Variants in PTPRN2 observed in about 807,000 individuals in gnomAD.
The protein encoded by PTPRN2 is receptor-type tyrosine-protein phosphatase N2.
A neutral mutation model predicts 118.8 loss-of-function variants in PTPRN2; 74 were observed. The ratio of observed to expected loss-of-function variants is 0.62; its 90% CI spans 0.52 to 0.76. PTPRN2 has a LOEUF of 0.76. Among genes scored for constraint, PTPRN2 ranks in the 30% least tolerant of loss-of-function variants. PTPRN2 has a pLI of 0.00. For missense variants in PTPRN2, 1,481 were observed against 1,394.4 expected (o/e 1.06, Z -0.99); for synonymous variants, 641 against 608.0 (o/e 1.05, Z -0.80).
intron 13 of PTPRN2, among the ~76,000 whole-genome samples, chr7:157,664,787 G>A (rs1442009758): frequency 6.6e-6 from 1 of 152,194 alleles, no homozygotes; most frequent in Admixed American, 6.5e-5. Context: ...ACAGAGCTAT[G>A]ATCTCGAGAG....
intron 14 of PTPRN2, among the ~76,000 whole-genome samples, chr7:157,648,488 TCGG>T (rs1296388415): frequency 8.8e-5 from 12 of 136,026 alleles, no homozygotes; most frequent in South Asian, 5.4e-4. Flanking sequence ...TGCACTGAAC[TCGG>T]TGGGTCGGAC....
intron 12 of PTPRN2, among the ~76,000 whole-genome samples, chr7:157,692,547 T>C (rs1797559070): frequency 6.6e-6 from 1 of 152,176 alleles, no homozygotes; most frequent in African/African-American, 2.4e-5. Context: ...CCGTTTCCTC[T>C]GACTGCAGGC....
intron 12 of PTPRN2, among the ~76,000 whole-genome samples, chr7:157,856,974 T>A (rs1809752257): frequency 6.6e-6 from 1 of 152,120 alleles, no homozygotes; most frequent in South Asian, 2.1e-4. Flanking sequence ...TTTAGCAGCA[T>A]CTTCTATTTA....
intron 14 of PTPRN2, among the ~76,000 whole-genome samples, chr7:157,625,981 G>T (rs1219142107): frequency 6.6e-6 from 1 of 152,188 alleles, no homozygotes; most frequent in Non-Finnish European, 1.5e-5. Context: ...CTTCATTTCA[G>T]CTTTGGACAT....
intron 11 of PTPRN2, among the ~76,000 whole-genome samples, chr7:157,991,348 C>T (rs759092553): frequency 5.3e-5 from 8 of 152,246 alleles, no homozygotes; most frequent in African/African-American, 9.6e-5. Flanking sequence ...TTTCCTTTTC[C>T]TAACCAGGAA....
chr7:158,071,744 G>GCTCGTGGTGGTGGAGGTT (rs1811821725), intron 11 of PTPRN2, among the ~76,000 whole-genome samples: 1 of 121,056 alleles, frequency 8.3e-6, no homozygotes. Context: ...TGGTGGAGGT[G>GCTCGTGGTGGTGGAGGTT]CTCATGGTGG....
chr7:158,177,027 C>T (rs1033502801), intron 5 of PTPRN2, among the ~76,000 whole-genome samples: 10 of 152,178 alleles, frequency 6.6e-5, no homozygotes, highest in Non-Finnish European at 1.3e-4. Flanking sequence ...TGGGTGGTGA[C>T]AGTTTGGGGC....
chr7:158,550,677 T>C (rs1347520297), intron 1 of PTPRN2, among the ~76,000 whole-genome samples: 3 of 152,272 alleles, frequency 2.0e-5, no homozygotes, highest in African/African-American at 7.2e-5. Flanking sequence ...TTCATTTTAC[T>C]TCCCCTTTAC....
intron 10 of PTPRN2, among the ~76,000 whole-genome samples, chr7:158,087,096 G>T (rs143250382): frequency 1.3e-5 from 2 of 152,198 alleles, no homozygotes; most frequent in African/African-American, 2.4e-5. Flanking sequence ...ATGCGACAGG[G>T]TTCCCTCTGA....
chr7:157,840,421 T>TGTGACCGC (rs1808331405), intron 12 of PTPRN2, among the ~76,000 whole-genome samples: 1 of 127,706 alleles, frequency 7.8e-6, no homozygotes, highest in Admixed American at 8.0e-5. Context: ...TGTGTGACTG[T>TGTGACCGC]GTGTGACTGT....
At chr7:158,568,458 G>GAA (rs200900673) in intron 1 of PTPRN2, among the ~76,000 whole-genome samples, 3 of 136,414 alleles carry the variant, frequency 2.2e-5, no homozygotes, top group African/African-American at 8.0e-5. Context: ...GTTTGGAGAA[G>GAA]AAAAAAAAAA....
chr7:158,337,001 C>T (rs200187214), intron 2 of PTPRN2, among the ~76,000 whole-genome samples: 953 of 42,622 alleles, frequency 0.022, 11 homozygotes, highest in South Asian at 0.088. Context: ...TCACTCACAC[C>T]CACACTCTCA....
chr7:158,315,230 G>A (rs112849007), intron 3 of PTPRN2, among the ~76,000 whole-genome samples: 29 of 38,966 alleles, frequency 7.4e-4, no homozygotes, highest in African/African-American at 2.2e-3. Context: ...AGGTGAACCC[G>A]GGACCCCCTA....
chr7:158,327,373 A>C, intron 2 of PTPRN2, among the ~76,000 whole-genome samples: 1 of 124,766 alleles, frequency 8.0e-6, no homozygotes, highest in South Asian at 2.6e-4. Flanking sequence ...TGTCACACAC[A>C]CATTATCACA....
At chr7:158,253,577 G>A (rs4909155) in intron 3 of PTPRN2, among the ~76,000 whole-genome samples, 105,476 of 151,934 alleles carry the variant, frequency 0.69, 36,876 homozygotes, top group Non-Finnish European at 0.72. Context: ...GGCCAGGACC[G>A]CGCCCCACAG....
At chr7:158,351,533 C>T (rs1586425381) in intron 2 of PTPRN2, among the ~76,000 whole-genome samples, 1 of 152,194 alleles carries the variant, frequency 6.6e-6, no homozygotes, top group East Asian at 1.9e-4. Context: ...AATGCTAAAA[C>T]ATTACGGGCA....
chr7:157,715,585 C>T (rs1354439715), intron 12 of PTPRN2, among the ~76,000 whole-genome samples: 1 of 152,186 alleles, frequency 6.6e-6, no homozygotes, highest in Non-Finnish European at 1.5e-5. Context: ...CTGGTGTAAG[C>T]TGATCATAGC....
At chr7:157,970,647 C>CCT (rs66974107) in intron 11 of PTPRN2, among the ~76,000 whole-genome samples, 2 of 149,928 alleles carry the variant, frequency 1.3e-5, no homozygotes, top group Admixed American at 1.3e-4. Flanking sequence ...CCCCCCCCCC[C>CCT]ACAGGTTGCC....
rs1800664316 is a variant in PTPRN2, at chr7:157,742,067, G to A, written c.1789-59130C>T. On this transcript the variant is annotated intron_variant, in intron 12 of 22. Transcript: ENST00000389418. ...GACAAACACCTAAATAATCCAGCAC[G>A]ATTCCCTTCTAGATGTATCTCTCTA... Among the ~76,000 whole-genome samples the A allele has an allele frequency of 2.0e-5, 3 of 152,194 alleles. No individual in the cohort carries two copies. The South Asian group carries it at 6.2e-4, about 32-fold the overall frequency.
Sources: gnomAD v4.1 joint callset for allele counts (sites outside exome capture counted in the v4.1 genomes callset) on GRCh38, gnomAD v4.1.1 for gene constraint, MANE v1.5 for transcripts, NCBI Gene and HGNC (gene_info 2026-07-23, HGNC 2026-07-21) for gene names.